Variants in FABP6 observed in about 807,000 individuals in gnomAD.
FABP6 encodes fatty acid binding protein 6.
FABP6 carries 13 observed loss-of-function variants against 14.9 expected under a neutral mutation model. The observed-to-expected ratio is 0.87, with a 90% confidence interval of 0.57 to 1.39. The LOEUF is 1.39. FABP6 is among the 40% of genes most tolerant of loss of function. The pLI is 0.00. For synonymous variants in FABP6, 75 were observed against 63.6 expected (o/e 1.18, Z -0.85); for missense variants, 161 against 167.2 (o/e 0.96, Z 0.20).
chr5:160,190,232 TTTTTTA>T (rs1257091405), intron 1 of FABP6, among the ~76,000 whole-genome samples: 1 of 152,158 alleles, frequency 6.6e-6, no homozygotes, highest in African/African-American at 2.4e-5. Flanking sequence ...GTGTCGTAGC[TTTTTTA>T]TTTTTATTTT....
intron 1 of FABP6, chr5:160,198,723 C>T: frequency 5.1e-6 from 1 of 196,454 alleles, no homozygotes. Flanking sequence ...TCTGAAATTC[C>T]TCTGCCTGCT....
intron 1 of FABP6, among the ~76,000 whole-genome samples, chr5:160,190,895 G>T (rs1206842207): frequency 6.6e-6 from 1 of 151,308 alleles, no homozygotes; most frequent in Non-Finnish European, 1.5e-5. Context: ...GGCGGATCAT[G>T]AAGTCAGGAG....
At chr5:160,233,599 G>A (rs1301089316) in intron 2 of FABP6, among the ~76,000 whole-genome samples, 1 of 152,186 alleles carries the variant, frequency 6.6e-6, no homozygotes, top group East Asian at 1.9e-4. Flanking sequence ...AACTGGCCGG[G>A]CACGGTGGCT....
rs544668223 is a variant in FABP6, at chr5:160,221,412, T to C, written c.135+7593T>C. 2.6e-5 allele frequency among the ~76,000 whole-genome samples: 4 copies of C among 152,204 alleles called. No homozygotes were observed. The South Asian group carries it at 8.3e-4, about 32-fold the overall frequency. On this transcript the variant is annotated intron_variant, in intron 3 of 6. Coordinates refer to the FABP6 transcript ENST00000393980. The stretch of plus-strand genomic sequence containing the variant: ...AGACTGATGAAAGGTGAGCAGTCAT[T>C]CCAGGCAGGCCAAGGCAGGAAGGAG...
chr5:160,229,443 G>C (rs1305440886), upstream of FABP6: 1 of 1,557,712 alleles, frequency 6.4e-7, no homozygotes, highest in African/African-American at 1.4e-5. Context: ...GAAGTGGGGT[G>C]ACTTAGGGGC....
chr5:160,202,607 T>G (rs969132735), intron 2 of FABP6, among the ~76,000 whole-genome samples: 1 of 151,888 alleles, frequency 6.6e-6, no homozygotes, highest in African/African-American at 2.4e-5. Flanking sequence ...CCATTCTGGC[T>G]AACACGGTGA....
upstream of FABP6, chr5:160,228,552 C>T (rs1346925801): frequency 4.4e-6 from 2 of 456,190 alleles, no homozygotes; most frequent in East Asian, 1.4e-4. Flanking sequence ...TACTGAGAGA[C>T]ACAGCAGGAA....
intron 2 of FABP6, among the ~76,000 whole-genome samples, chr5:160,199,329 C>T (rs1759580615): frequency 6.6e-6 from 1 of 152,242 alleles, no homozygotes; most frequent in African/African-American, 2.4e-5. Context: ...CTCTCTGTGA[C>T]TGTCTTTGTG....
At chr5:160,237,332 G>A (rs1373148896) in intron 3 of FABP6, among the ~76,000 whole-genome samples, 1 of 152,012 alleles carries the variant, frequency 6.6e-6, no homozygotes, top group African/African-American at 2.4e-5. Flanking sequence ...AGAGTTCAGG[G>A]TCATCATGCA....
chr5:160,234,711 G>A, intron 2 of FABP6, 109 bp from the exon 3 acceptor site: 1 of 703,080 alleles, frequency 1.4e-6, no homozygotes. Flanking sequence ...ATAGGCATAA[G>A]CCACCGTGCC....
rs1760399177 is a variant in FABP6 at position 160,232,133 on chromosome 5, T to C, written c.103T>C (p.Phe35Leu). The stretch of plus-strand genomic sequence containing the variant: ...CGATGTAATCGAAAAGGCCCGCAAC[T>C]TCAAGATCGTCACGGAGGTGCAGCA... ...SSDVIEKARN[F>L]KIVTEVQQDG... The change falls in exon 2 of 4, where the codon TTC (phenylalanine) becomes CTC (leucine). Residue 35 changes from phenylalanine (F) to leucine (L), a missense_variant. Phe to Leu is a conservative substitution (Grantham distance 22). Coordinates refer to ENST00000402432, the MANE Select transcript of FABP6 (RefSeq NM_001445.3). The C allele has an allele frequency of 2.5e-6, 4 of 1,613,892 alleles. No individual in the cohort carries two copies. Among genetic ancestry groups the C allele is most frequent in the Non-Finnish European group, 3.4e-6 (4 of 1,180,014 alleles).
intron 2 of FABP6, chr5:160,213,657 C>T: frequency 8.3e-7 from 1 of 1,204,600 alleles, no homozygotes; most frequent in Non-Finnish European, 1.2e-6. Flanking sequence ...AGCTCTGCCT[C>T]CCTGCACAGA....
Position 160,232,139 on chromosome 5 carries a change from A to T in FABP6, c.109A>T (p.Ile37Phe). The change falls in exon 2 of 4, where the codon ATC (isoleucine) becomes TTC (phenylalanine). Residue 37 changes from isoleucine to phenylalanine, a missense_variant. By Grantham distance (21) the Ile-to-Phe change is conservative. Coordinates refer to ENST00000402432, the MANE Select transcript of FABP6 (RefSeq NM_001445.3). ...AATCGAAAAGGCCCGCAACTTCAAG[A>T]TCGTCACGGAGGTGCAGCAGGATGG... Reference protein sequence around the residue: ...DVIEKARNFKIVTEVQQDGQD... With the variant: ...DVIEKARNFKFVTEVQQDGQD... The T allele has an allele frequency of 1.9e-6, 3 of 1,613,990 alleles. No homozygotes were observed. The highest frequency in any genetic ancestry group is 2.2e-5 in the South Asian group (2 of 91,040).
chr5:160,226,311 C>T (rs1286423140), upstream of FABP6, among the ~76,000 whole-genome samples: 1 of 151,822 alleles, frequency 6.6e-6, no homozygotes, highest in East Asian at 1.9e-4. Context: ...GCCTGTAGTT[C>T]CAGCACTTTG....
chr5:160,217,651 T>G (rs1016935982), intron 3 of FABP6, among the ~76,000 whole-genome samples: 7 of 152,070 alleles, frequency 4.6e-5, no homozygotes, highest in Non-Finnish European at 8.8e-5. Flanking sequence ...ATTATTATTA[T>G]TTTTGGACAG....
intron 1 of FABP6, among the ~76,000 whole-genome samples, chr5:160,189,015 C>T (rs1479527089): frequency 6.6e-6 from 1 of 152,040 alleles, no homozygotes; most frequent in East Asian, 1.9e-4. Flanking sequence ...TTCCTTTTTA[C>T]ATCTAGAGTA....
At chr5:160,215,321 C>G (rs1759987245) in intron 3 of FABP6, among the ~76,000 whole-genome samples, 1 of 152,138 alleles carries the variant, frequency 6.6e-6, no homozygotes, top group Admixed American at 6.6e-5. Context: ...CGAGACCAGC[C>G]TGACCAACAT....
chr5:160,228,226 T>C (rs60634726), upstream of FABP6, among the ~76,000 whole-genome samples: 2 of 151,730 alleles, frequency 1.3e-5, no homozygotes, highest in Non-Finnish European at 2.9e-5. Flanking sequence ...ACCCCGTCTC[T>C]ACTAAAAATA....
chr5:160,193,405 G>A (rs1295421819), intron 1 of FABP6, among the ~76,000 whole-genome samples: 1 of 152,112 alleles, frequency 6.6e-6, no homozygotes, highest in Admixed American at 6.5e-5. Flanking sequence ...AAGAGCAAAA[G>A]AACAAGGCTT....
Sources: allele counts gnomAD v4.1 joint callset (sites outside exome capture counted in the v4.1 genomes callset), GRCh38; gene constraint gnomAD v4.1.1; transcripts MANE v1.5; gene names NCBI Gene and HGNC (gene_info 2026-07-23, HGNC 2026-07-21).